Variants in NKAIN3 observed in about 807,000 individuals in gnomAD.
NKAIN3 encodes the protein sodium/potassium transporting ATPase interacting 3.
A neutral mutation model predicts 30.2 loss-of-function variants in NKAIN3; 25 were observed. That is an observed-to-expected ratio of 0.83 (90% CI 0.60 to 1.16). NKAIN3 has a LOEUF of 1.16. Among genes scored for constraint, NKAIN3 ranks in the 50% most tolerant of loss-of-function variants. The pLI, the probability that NKAIN3 is intolerant of heterozygous loss-of-function variation, is 0.00. For missense variants in NKAIN3, 225 were observed against 254.1 expected, an observed-to-expected ratio of 0.89 and a Z score of 0.78; for synonymous variants, 91 against 89.6, an observed-to-expected ratio of 1.02 and a Z score of -0.09.
chr8:62,764,293 G>A (rs1816767414), intron 4 of NKAIN3, among the ~76,000 whole-genome samples: 1 of 152,114 alleles, frequency 6.6e-6, no homozygotes, highest in Non-Finnish European at 1.5e-5. Flanking sequence ...ATGTGAGGTA[G>A]GCTTTATTAT....
chr8:62,709,893 G>A (rs1305459408), intron 3 of NKAIN3, among the ~76,000 whole-genome samples: 8 of 152,028 alleles, frequency 5.3e-5, no homozygotes, highest in African/African-American at 1.9e-4. Flanking sequence ...CGCCTTTGCT[G>A]TATTCCAGAG....
At chr8:62,249,458 T>C (rs1303377119) in intron 1 of NKAIN3, among the ~76,000 whole-genome samples, 1 of 152,234 alleles carries the variant, frequency 6.6e-6, no homozygotes, top group Non-Finnish European at 1.5e-5. Context: ...ATCCGATACC[T>C]GGTTTAGCAC....
rs1823890269 is a variant in NKAIN3, at chr8:62,973,966, G to A, written c.*8559G>A. On this transcript the variant is annotated 3_prime_UTR_variant, in exon 7 of 7. Transcript: ENST00000623646. ...TTTTTATCAGGTTTGTCAAAGATCA[G>A]ATGGTTGTAGATGTGTGGTGTTATT... Among the ~76,000 whole-genome samples, 1 of 152,148 alleles carries A rather than the reference G, an allele frequency of 6.6e-6. No individual in the cohort carries two copies. The highest frequency in any genetic ancestry group is 1.5e-5 in the Non-Finnish European group (1 of 68,026).
chr8:62,917,690 A>T (rs1659072499), intron 4 of NKAIN3, among the ~76,000 whole-genome samples: 1 of 152,244 alleles, frequency 6.6e-6, no homozygotes, highest in African/African-American at 2.4e-5. Context: ...GCTATCAAGT[A>T]TCTATTTTTC....
At chr8:62,958,764 G>A (rs1212920155) in intron 6 of NKAIN3, among the ~76,000 whole-genome samples, 1 of 152,154 alleles carries the variant, frequency 6.6e-6, no homozygotes, top group Non-Finnish European at 1.5e-5. Flanking sequence ...CCATCCAAAT[G>A]GTTAGCAACT....
downstream of NKAIN3, among the ~76,000 whole-genome samples, chr8:62,985,332 A>C (rs1430542996): frequency 3.3e-5 from 5 of 152,240 alleles, no homozygotes; most frequent in Non-Finnish European, 7.3e-5. Flanking sequence ...TTTTGTGGTA[A>C]ATATACTCCA....
intron 1 of NKAIN3, among the ~76,000 whole-genome samples, chr8:62,298,741 C>G (rs1813929970): frequency 6.6e-6 from 1 of 151,984 alleles, no homozygotes; most frequent in African/African-American, 2.4e-5. Flanking sequence ...ATCTGTTCCT[C>G]CAGCTGTAGA....
chr8:62,573,733 C>A (rs1810018959), intron 1 of NKAIN3, among the ~76,000 whole-genome samples: 2 of 151,518 alleles, frequency 1.3e-5, no homozygotes, highest in Admixed American at 1.3e-4. Flanking sequence ...TCTTTTTAAG[C>A]TTTTAATTTT....
rs189575243 is a variant in NKAIN3 at position 62,524,344 on chromosome 8, C to T, written c.55-55195C>T. On this transcript the variant is annotated intron_variant, in intron 1 of 6. Coordinates refer to ENST00000623646, the MANE Select transcript of NKAIN3 (RefSeq NM_001304533.3). Reference sequence around the variant, plus strand: ...TGATTTGTCTAAAGATTCATGTTGTCATCTCCAAAGTTTTCCACTACAGAG... The same window carrying T: ...TGATTTGTCTAAAGATTCATGTTGTTATCTCCAAAGTTTTCCACTACAGAG... 2.8e-3 allele frequency among the ~76,000 whole-genome samples: 427 copies of T among 152,194 alleles called. 2 individuals carry two copies. Among genetic ancestry groups the T allele is most frequent in the African/African-American group, 1.0e-2 (415 of 41,546 alleles).
chr8:62,681,069 T>A (rs1813629936), intron 3 of NKAIN3, among the ~76,000 whole-genome samples: 1 of 152,214 alleles, frequency 6.6e-6, no homozygotes, highest in Admixed American at 6.5e-5. Context: ...ATTTAGCCCC[T>A]TGATGTTGAA....
At chr8:62,425,323 G>A (rs1345857368) in intron 1 of NKAIN3, among the ~76,000 whole-genome samples, 1 of 151,714 alleles carries the variant, frequency 6.6e-6, no homozygotes, top group East Asian at 1.9e-4. Context: ...TCCCAGGGAG[G>A]GAAAATTATT....
chr8:62,833,354 T>C (rs1161739910), intron 4 of NKAIN3, among the ~76,000 whole-genome samples: 1 of 151,850 alleles, frequency 6.6e-6, no homozygotes, highest in Non-Finnish European at 1.5e-5. Flanking sequence ...AAAATTAAGA[T>C]GTACAAATCC....
chr8:62,400,954 A>G (rs1803841966), intron 1 of NKAIN3, among the ~76,000 whole-genome samples: 1 of 151,568 alleles, frequency 6.6e-6, no homozygotes, highest in South Asian at 2.1e-4. Context: ...GGATATTGAT[A>G]TCTTTCTCTA....
chr8:62,601,152 T>A (rs1351844482), intron 3 of NKAIN3, among the ~76,000 whole-genome samples: 1 of 152,102 alleles, frequency 6.6e-6, no homozygotes, highest in Admixed American at 6.6e-5. Flanking sequence ...GAGTTCTTTT[T>A]CTGATGGTAG....
At chr8:62,925,699 A>G (rs1206248089) in intron 5 of NKAIN3, among the ~76,000 whole-genome samples, 1 of 152,210 alleles carries the variant, frequency 6.6e-6, no homozygotes, top group East Asian at 1.9e-4. Flanking sequence ...AGTCACTGAC[A>G]GCTCTGACAC....
At chr8:62,987,951 G>A (rs1824237076), downstream of NKAIN3, among the ~76,000 whole-genome samples, 2 of 152,180 alleles carry the variant, frequency 1.3e-5, no homozygotes, top group African/African-American at 2.4e-5. Context: ...TACAAGGGGA[G>A]TACAGGCATT....
chr8:62,868,795 G>A (rs1166687585), intron 4 of NKAIN3, among the ~76,000 whole-genome samples: 3 of 152,166 alleles, frequency 2.0e-5, no homozygotes, highest in Non-Finnish European at 4.4e-5. Context: ...TGTCATCGGA[G>A]GCCCTGCCTT....
intron 1 of NKAIN3, among the ~76,000 whole-genome samples, chr8:62,565,311 T>C (rs1410416320): frequency 6.6e-6 from 1 of 152,124 alleles, no homozygotes; most frequent in Non-Finnish European, 1.5e-5. Context: ...TCCATATGTA[T>C]GTATGTACCA....
chr8:62,292,405 T>C (rs1444888499), intron 1 of NKAIN3, among the ~76,000 whole-genome samples: 1 of 152,190 alleles, frequency 6.6e-6, no homozygotes, highest in Non-Finnish European at 1.5e-5. Context: ...ATTGCTTCCT[T>C]GAGGAGCTCT....
Sources: allele counts gnomAD v4.1 joint callset (sites outside exome capture counted in the v4.1 genomes callset), GRCh38; gene constraint gnomAD v4.1.1; transcripts MANE v1.5; gene names NCBI Gene and HGNC (gene_info 2026-07-23, HGNC 2026-07-21).